RANBP17: variants seen among roughly 807,000 people sequenced by gnomAD.
The protein encoded by RANBP17 is RAN binding protein 17.
RANBP17 carries 158 observed loss-of-function variants against 141.2 expected under a neutral mutation model. That is an observed-to-expected ratio of 1.12 (90% CI 0.98 to 1.28). The LOEUF (loss-of-function observed/expected upper bound fraction) is 1.28. RANBP17 is among the 50% of genes most tolerant of loss of function. The pLI is 0.00. For synonymous variants in RANBP17, 430 were observed against 450.0 expected (o/e 0.96, Z 0.56); for missense variants, 1,438 against 1,290.7 (o/e 1.11, Z -1.75).
intron 20 of RANBP17, 73 bp downstream of exon 20, chr5:171,205,685 A>C: frequency 6.3e-6 from 7 of 1,111,232 alleles, no homozygotes; most frequent in Non-Finnish European, 9.6e-6. Context: ...TTCGTTTAAT[A>C]GTATGGCACA....
chr5:171,186,521 A>ATTTTTTTTTTT (rs1243325206), intron 18 of RANBP17, among the ~76,000 whole-genome samples: 4 of 29,528 alleles, frequency 1.4e-4, no homozygotes, highest in Non-Finnish European at 2.3e-4. Flanking sequence ...CACTGGTATG[A>ATTTTTTTTTTT]TTTTCTTTTT....
At chr5:170,950,000 A>G (rs1229490830) in intron 12 of RANBP17, among the ~76,000 whole-genome samples, 3 of 152,168 alleles carry the variant, frequency 2.0e-5, no homozygotes, top group Non-Finnish European at 2.9e-5. Context: ...TGGGGAAAGG[A>G]TACCCTCTTT....
At chr5:171,102,546 T>A (rs1254226000) in intron 14 of RANBP17, among the ~76,000 whole-genome samples, 1 of 152,134 alleles carries the variant, frequency 6.6e-6, no homozygotes, top group Non-Finnish European at 1.5e-5. Context: ...AACATGCTTC[T>A]TGAGCTCAGA....
chr5:171,017,344 G>A (rs146536126), intron 14 of RANBP17, among the ~76,000 whole-genome samples: 148 of 152,158 alleles, frequency 9.7e-4, no homozygotes, highest in Middle Eastern at 3.4e-3. Flanking sequence ...CTTCCACAAC[G>A]GTTAAACTCA....
chr5:170,925,370 A>G (rs990506588), intron 12 of RANBP17, among the ~76,000 whole-genome samples: 2 of 152,148 alleles, frequency 1.3e-5, no homozygotes, highest in Non-Finnish European at 2.9e-5. Flanking sequence ...AGTGTGAGAT[A>G]ATCTTCTCTA....
intron 1 of RANBP17, among the ~76,000 whole-genome samples, chr5:170,870,595 C>T (rs1054290725): frequency 1.3e-5 from 2 of 152,100 alleles, no homozygotes; most frequent in Admixed American, 1.3e-4. Context: ...TTATATGTAC[C>T]ACATTTTCTT....
intron 14 of RANBP17, among the ~76,000 whole-genome samples, chr5:171,106,296 C>T (rs747981935): frequency 6.6e-6 from 1 of 152,034 alleles, no homozygotes; most frequent in Non-Finnish European, 1.5e-5. Flanking sequence ...ATATTGATAT[C>T]TATTCTGGGC....
At chr5:171,262,123 C>T (rs1054524491) in intron 24 of RANBP17, among the ~76,000 whole-genome samples, 6 of 152,292 alleles carry the variant, frequency 3.9e-5, no homozygotes, top group Admixed American at 2.0e-4. Flanking sequence ...GGCATGTGGT[C>T]ACCAAATCTA....
At chr5:171,090,014 A>G (rs1786109095) in intron 14 of RANBP17, among the ~76,000 whole-genome samples, 1 of 152,220 alleles carries the variant, frequency 6.6e-6, no homozygotes, top group African/African-American at 2.4e-5. Context: ...ATGGACCAGT[A>G]TAGTAAATGG....
intron 14 of RANBP17, among the ~76,000 whole-genome samples, chr5:171,080,676 G>A (rs1417759612): frequency 2.0e-5 from 3 of 152,078 alleles, no homozygotes. Flanking sequence ...GATGGACGTT[G>A]GTGTTTTTTG....
At chr5:171,175,801 C>CTTT (rs79299003) in intron 16 of RANBP17, among the ~76,000 whole-genome samples, 1 of 144,176 alleles carries the variant, frequency 6.9e-6, no homozygotes, top group Non-Finnish European at 1.5e-5. Context: ...TTTATCCAAA[C>CTTT]TTTTTTTTTT....
intron 24 of RANBP17, among the ~76,000 whole-genome samples, chr5:171,247,776 A>T (rs1765296344): frequency 6.6e-6 from 1 of 152,156 alleles, no homozygotes; most frequent in Non-Finnish European, 1.5e-5. Flanking sequence ...ACCTTTCTAA[A>T]CCTTGGCAGT....
intron 14 of RANBP17, among the ~76,000 whole-genome samples, chr5:171,100,365 T>C (rs1309923254): frequency 6.6e-6 from 1 of 152,236 alleles, no homozygotes; most frequent in East Asian, 1.9e-4. Flanking sequence ...CCATTTCTTC[T>C]AGATTTTCTA....
chr5:171,053,283 A>C (rs1473220651), intron 14 of RANBP17, among the ~76,000 whole-genome samples: 1 of 152,052 alleles, frequency 6.6e-6, no homozygotes, highest in Non-Finnish European at 1.5e-5. Context: ...GCTGAGGTTC[A>C]GTGTACGAAT....
chr5:171,168,219 A>T (rs1380522153), intron 14 of RANBP17, among the ~76,000 whole-genome samples: 1 of 152,230 alleles, frequency 6.6e-6, no homozygotes, highest in African/African-American at 2.4e-5. Flanking sequence ...GGGAACATAA[A>T]GGAGAGTTCA....
At chr5:171,038,651 C>T (rs1782042705) in intron 14 of RANBP17, among the ~76,000 whole-genome samples, 1 of 152,052 alleles carries the variant, frequency 6.6e-6, no homozygotes, top group Non-Finnish European at 1.5e-5. Flanking sequence ...GGGTTTTTAT[C>T]ATAATGGTAA....
chr5:171,013,448 C>T (rs1780206579), intron 14 of RANBP17, among the ~76,000 whole-genome samples: 1 of 152,300 alleles, frequency 6.6e-6, no homozygotes, highest in Middle Eastern at 3.4e-3. Flanking sequence ...ATCAACTGCT[C>T]ATTTCTCAGC....
At chr5:171,097,819 A>G (rs953718355) in intron 14 of RANBP17, among the ~76,000 whole-genome samples, 1 of 151,402 alleles carries the variant, frequency 6.6e-6, no homozygotes, top group Non-Finnish European at 1.5e-5. Context: ...CCAGTGTGTG[A>G]TGTTCCCCTC....
rs945973385 is a variant in RANBP17 at position 171,183,505 on chromosome 5, G to T, written c.2038+75G>T. 30 of 966,506 alleles carry T rather than the reference G, an allele frequency of 3.1e-5. No individual in the cohort carries two copies. In the East Asian group the frequency reaches 6.3e-4, roughly 20 times the overall value. The allele number at this position is 966,506 out of a possible 1,614,324, so 59.9% of individuals were successfully genotyped here. On this transcript the variant is annotated intron_variant, in intron 18 of 27. Transcript: ENST00000523189. Reference sequence around the variant, plus strand: ...GTGTGAATAAAGAAGTGGAGTACTAGTGGGTACAACATTTAACTTATTAGA... The same window carrying T: ...GTGTGAATAAAGAAGTGGAGTACTATTGGGTACAACATTTAACTTATTAGA...
Sources: allele counts gnomAD v4.1 joint callset (sites outside exome capture counted in the v4.1 genomes callset), GRCh38; gene constraint gnomAD v4.1.1; transcripts MANE v1.5; gene names NCBI Gene and HGNC (gene_info 2026-07-23, HGNC 2026-07-21).